Variants in TOX observed in about 807,000 individuals in gnomAD.
TOX encodes thymocyte selection associated high mobility group box.
TOX carries 11 observed loss-of-function variants against 53.7 expected under a neutral mutation model. The ratio of observed to expected loss-of-function variants is 0.20; its 90% CI spans 0.13 to 0.34. The LOEUF is 0.34. Ranked by LOEUF, TOX falls within the 10% of genes least tolerant of loss-of-function variation. The probability of loss-of-function intolerance (pLI) is 1.00; values close to 1 mark genes in which losing one functional copy is unlikely to be tolerated. For synonymous variants in TOX, 225 were observed against 245.3 expected (o/e 0.92, Z 0.77); for missense variants, 570 against 664.6 (o/e 0.86, Z 1.56).
At chr8:59,066,456 A>T (rs1251848076) in intron 1 of TOX, among the ~76,000 whole-genome samples, 2 of 152,202 alleles carry the variant, frequency 1.3e-5, no homozygotes, top group African/African-American at 4.8e-5. Context: ...AACAAGTTGC[A>T]GTAAAAAAAA....
In TOX at chr8:58,808,263, T is replaced by C. The variant is rs767873191; in HGVS notation, c.1399A>G (p.Thr467Ala). The C allele has an allele frequency of 3.1e-6, 5 of 1,606,402 alleles. No homozygotes were observed. The East Asian group carries it at 8.9e-5, about 29-fold the overall frequency. The change falls in exon 8 of 9, where the codon ACT becomes GCT. Residue 467 changes from threonine (T) to alanine (A), a missense_variant. By Grantham distance (58) the Thr-to-Ala change is moderately conservative. This residue lies in a region of TOX where 239 missense variants were observed against 250.7 expected (regional missense o/e 0.95). Coordinates refer to ENST00000361421, the MANE Select transcript of TOX (RefSeq NM_014729.3). ...LHSPTMQQGFTLQPDYQTIIN... is the reference protein window; with the variant it reads ...LHSPTMQQGFALQPDYQTIIN... ...ATAGTCTGATAGTCGGGTTGAAGAG[T>C]AAATCCCTGAAAGGGAAAGCAAGTC...
intron 7 of TOX, among the ~76,000 whole-genome samples, chr8:58,810,411 G>A (rs1382277830): frequency 6.6e-6 from 1 of 152,106 alleles, no homozygotes; most frequent in Non-Finnish European, 1.5e-5. Context: ...CACCATCTCG[G>A]CTCACTGCAG....
chr8:58,824,053 C>A (rs768754572), intron 6 of TOX, among the ~76,000 whole-genome samples: 1 of 152,034 alleles, frequency 6.6e-6, no homozygotes, highest in Non-Finnish European at 1.5e-5. Context: ...AATGTCAATG[C>A]TGAATGTCAA....
chr8:59,018,818 T>A (rs1183516058), intron 1 of TOX, among the ~76,000 whole-genome samples: 2 of 152,072 alleles, frequency 1.3e-5, no homozygotes, highest in Non-Finnish European at 2.9e-5. Flanking sequence ...CCCTAAATTT[T>A]AGGGAATAGC....
At chr8:59,085,667 C>T (rs955687233) in intron 1 of TOX, among the ~76,000 whole-genome samples, 36 of 152,218 alleles carry the variant, frequency 2.4e-4, no homozygotes, top group African/African-American at 4.8e-4. Context: ...GCATTACAGG[C>T]GTGAGCCACT....
intron 3 of TOX, among the ~76,000 whole-genome samples, chr8:58,931,472 G>T (rs1812252629): frequency 6.6e-6 from 1 of 152,150 alleles, no homozygotes; most frequent in South Asian, 2.1e-4. Context: ...GAAATCAACT[G>T]TTCTCCAAGC....
rs917125601 is a variant in TOX, at chr8:59,118,341, G to C, written c.102+545C>G. Among the ~76,000 whole-genome samples, 1 of 152,184 alleles carries C rather than the reference G, an allele frequency of 6.6e-6. No homozygotes were observed. The highest frequency in any genetic ancestry group is 1.5e-5 in the Non-Finnish European group (1 of 68,048). On this transcript the variant is annotated intron_variant, in intron 1 of 8. Transcript: ENST00000361421. The surrounding 1 kb of genome is among the most constrained non-coding windows in gnomAD (Gnocchi z 4.1). ...CGGGCTCGGCTGCCGGAACCGGTTT[G>C]AGAAAACAAAAGAGTTGTGGGGCAG...
In TOX at chr8:58,925,039, C is replaced by A. The variant is rs890233113; in HGVS notation, c.411+14263G>T. On this transcript the variant is annotated intron_variant, in intron 3 of 8. Transcript: ENST00000361421. ...GCCCCAGATGGCACATGGAGATGCA[C>A]CTCGTGCACAGCCACAGCCCCCAAC... is the stretch of plus-strand genomic sequence containing the variant. Among the ~76,000 whole-genome samples, 11 of 152,332 alleles carry A rather than the reference C, an allele frequency of 7.2e-5. No individual in the cohort carries two copies. The East Asian group carries it at 1.2e-3, about 16-fold the overall frequency.
intron 1 of TOX, among the ~76,000 whole-genome samples, chr8:59,095,764 A>T (rs1030150390): frequency 1.3e-5 from 2 of 152,338 alleles, no homozygotes; most frequent in Non-Finnish European, 2.9e-5. Context: ...AAGGTGAAAC[A>T]GGTTTGCATT....
chr8:59,042,443 C>T (rs1320051228), intron 1 of TOX, among the ~76,000 whole-genome samples: 1 of 152,138 alleles, frequency 6.6e-6, no homozygotes, highest in Non-Finnish European at 1.5e-5. Flanking sequence ...GTATATTAAT[C>T]CATAATCTTA....
intron 1 of TOX, among the ~76,000 whole-genome samples, chr8:58,997,016 T>C (rs1385795644): frequency 6.6e-6 from 1 of 152,238 alleles, no homozygotes; most frequent in African/African-American, 2.4e-5. Context: ...CACCACTATA[T>C]GACACTCACA....
chr8:59,027,794 T>C (rs1814273278), intron 1 of TOX, among the ~76,000 whole-genome samples: 3 of 152,162 alleles, frequency 2.0e-5, no homozygotes, highest in Non-Finnish European at 4.4e-5. Context: ...GGTACACATA[T>C]GATCCTCATC....
intron 2 of TOX, among the ~76,000 whole-genome samples, chr8:58,943,615 T>TTA (rs1812477402): frequency 7.6e-6 from 1 of 130,910 alleles, no homozygotes; most frequent in Non-Finnish European, 1.6e-5. Context: ...TTTTTTTTTC[T>TTA]AAAAAAAAAA....
chr8:58,868,399 G>T (rs1405683160), intron 3 of TOX, among the ~76,000 whole-genome samples: 2 of 152,072 alleles, frequency 1.3e-5, no homozygotes, highest in Non-Finnish European at 2.9e-5. Context: ...TTTTCTGCAC[G>T]GTGGACTAAT....
chr8:59,053,350 A>G (rs1276076176), intron 1 of TOX, among the ~76,000 whole-genome samples: 1 of 152,160 alleles, frequency 6.6e-6, no homozygotes, highest in Non-Finnish European at 1.5e-5. Context: ...AAACAACGGA[A>G]CACATGGTTG....
At chr8:58,887,133 C>G (rs1811482123) in intron 3 of TOX, among the ~76,000 whole-genome samples, 1 of 151,864 alleles carries the variant, frequency 6.6e-6, no homozygotes, top group Admixed American at 6.6e-5. Flanking sequence ...AACACATTTT[C>G]TAATATTGAG....
intron 3 of TOX, among the ~76,000 whole-genome samples, chr8:58,937,826 CAG>C (rs750655897): frequency 6.4e-4 from 97 of 152,260 alleles, no homozygotes; most frequent in Middle Eastern, 6.8e-3. Context: ...GGGGTCCCTA[CAG>C]AGGCATGACC....
At chr8:58,879,104 G>A (rs1811339346) in intron 3 of TOX, among the ~76,000 whole-genome samples, 2 of 150,436 alleles carry the variant, frequency 1.3e-5, no homozygotes, top group South Asian at 2.1e-4. Context: ...AACAAAAATT[G>A]TGTTTGAATA....
intron 3 of TOX, among the ~76,000 whole-genome samples, chr8:58,905,382 A>C (rs1222918346): frequency 6.6e-6 from 1 of 152,234 alleles, no homozygotes; most frequent in Non-Finnish European, 1.5e-5. Context: ...TTACTTTGAC[A>C]GGCAATGTTT....
Sources: allele counts gnomAD v4.1 joint callset (sites outside exome capture counted in the v4.1 genomes callset), GRCh38; gene constraint gnomAD v4.1.1; regional missense constraint gnomAD v4.1.1; non-coding constraint Gnocchi (gnomAD v3.1); transcripts MANE v1.5; gene names NCBI Gene and HGNC (gene_info 2026-07-23, HGNC 2026-07-21).